Variants in TEX9 observed in about 807,000 individuals in gnomAD.
TEX9 encodes the protein testis expressed 9.
In TEX9, 74 loss-of-function variants were observed where a neutral mutation model predicts 59.6. The observed-to-expected ratio is 1.24, with a 90% CI of 1.03 to 1.51. TEX9 has a LOEUF of 1.51. TEX9 is among the 40% of genes most tolerant of loss of function. The probability of loss-of-function intolerance (pLI) is 0.00; values close to 1 mark genes in which losing one functional copy is unlikely to be tolerated. For missense variants in TEX9, 522 were observed against 447.8 expected, an observed-to-expected ratio of 1.17 and a Z score of -1.49; for synonymous variants, 186 against 152.2, an observed-to-expected ratio of 1.22 and a Z score of -1.64.
At chr15:56,289,113 G>T (rs961558115) in intron 1 of TEX9, among the ~76,000 whole-genome samples, 1 of 151,786 alleles carries the variant, frequency 6.6e-6, no homozygotes, top group Non-Finnish European at 1.5e-5. Context: ...TTCTCATTTT[G>T]GTCATTTATT....
intron 1 of TEX9, among the ~76,000 whole-genome samples, chr15:56,290,286 T>C (rs1437673289): frequency 6.6e-6 from 1 of 152,080 alleles, no homozygotes; most frequent in African/African-American, 2.4e-5. Context: ...TAATGGGTGT[T>C]CATTACCTCA....
intron 1 of TEX9, among the ~76,000 whole-genome samples, chr15:56,275,077 G>A (rs1300659155): frequency 6.6e-6 from 1 of 152,148 alleles, no homozygotes; most frequent in African/African-American, 2.4e-5. Context: ...TTCTTCAGTA[G>A]ATCCTATGTC....
At chr15:56,312,595 T>A (rs879427006) in intron 1 of TEX9, among the ~76,000 whole-genome samples, 2 of 148,808 alleles carry the variant, frequency 1.3e-5, no homozygotes, top group Non-Finnish European at 1.5e-5. Flanking sequence ...TCCAGCTTTG[T>A]TCTTTTGGCT....
chr15:56,247,370 A>G (rs1567061003), intron 1 of TEX9, among the ~76,000 whole-genome samples: 1 of 152,206 alleles, frequency 6.6e-6, no homozygotes, highest in Non-Finnish European at 1.5e-5. Context: ...TGGAGTCATA[A>G]TGGAGGGAGG....
chr15:56,365,386 G>A (rs1237346801), upstream of TEX9: 8 of 1,574,906 alleles, frequency 5.1e-6, no homozygotes, highest in African/African-American at 2.7e-5. Flanking sequence ...GGAGGCAACC[G>A]GGATGTGGAA....
At chr15:56,367,864 T>G (rs1317782502) in intron 2 of TEX9, among the ~76,000 whole-genome samples, 1 of 152,230 alleles carries the variant, frequency 6.6e-6, no homozygotes, top group Non-Finnish European at 1.5e-5. Flanking sequence ...TGATGCTACA[T>G]CTGCGTTTAT....
At chr15:56,373,067 G>A (rs1014742473) in intron 2 of TEX9, among the ~76,000 whole-genome samples, 1 of 152,132 alleles carries the variant, frequency 6.6e-6, no homozygotes, top group African/African-American at 2.4e-5. Context: ...TTAGAGCAGG[G>A]CCTGTCTCTG....
At chr15:56,431,576 A>G in intron 12 of TEX9, 1 of 1,424,622 alleles carries the variant, frequency 7.0e-7, no homozygotes, top group African/African-American at 1.4e-5. Flanking sequence ...CTACTCATGC[A>G]ATGAATTAGA....
At chr15:56,278,085 A>C (rs2044719484) in intron 1 of TEX9, among the ~76,000 whole-genome samples, 1 of 152,072 alleles carries the variant, frequency 6.6e-6, no homozygotes, top group African/African-American at 2.4e-5. Context: ...ACTGCATTAA[A>C]ATTTTCAATA....
intron 1 of TEX9, among the ~76,000 whole-genome samples, chr15:56,292,608 TAGA>T (rs1288244693): frequency 6.6e-6 from 1 of 152,172 alleles, no homozygotes; most frequent in Non-Finnish European, 1.5e-5. Context: ...GAATGAGTGG[TAGA>T]AGAGGGAGAT....
chr15:56,460,009 A>AAAAAAAAAAAAAAAAATATATATATATAT, the TEX9 span, among the ~76,000 whole-genome samples: 1 of 26,406 alleles, frequency 3.8e-5, no homozygotes, highest in Non-Finnish European at 7.0e-5. Context: ...AAAAAAAAAA[A>AAAAAAAAAAAAAAAAATATATATATATAT]ATACATATAT....
At chr15:56,294,353 A>G (rs1321725264) in intron 1 of TEX9, among the ~76,000 whole-genome samples, 1 of 151,670 alleles carries the variant, frequency 6.6e-6, no homozygotes, top group Non-Finnish European at 1.5e-5. Context: ...CTCTCCTCTC[A>G]CTCCTAACCT....
intron 10 of TEX9, among the ~76,000 whole-genome samples, 186 bp from the exon 11 acceptor site, chr15:56,427,419 A>AT (rs552597970): frequency 0.021 from 3,211 of 152,304 alleles, 54 homozygotes; most frequent in Non-Finnish European, 0.032. Context: ...AAAATGGGAA[A>AT]TACCTGAGCA....
intron 6 of TEX9, among the ~76,000 whole-genome samples, chr15:56,390,855 T>G (rs117579691): frequency 8.5e-5 from 13 of 152,174 alleles, no homozygotes; most frequent in Non-Finnish European, 1.9e-4. Flanking sequence ...TTAAAAGTCA[T>G]AGGCTGGATT....
chr15:56,284,453 T>G (rs2141470956), intron 1 of TEX9, among the ~76,000 whole-genome samples: 1 of 152,300 alleles, frequency 6.6e-6, no homozygotes, highest in East Asian at 1.9e-4. Context: ...ATTACCATTT[T>G]ATCAAGTGTA....
intron 1 of TEX9, among the ~76,000 whole-genome samples, chr15:56,337,861 G>A (rs1252520279): frequency 6.6e-6 from 1 of 152,184 alleles, no homozygotes; most frequent in Non-Finnish European, 1.5e-5. Flanking sequence ...GCAGGAGTCT[G>A]TGTTTCCCAA....
chr15:56,432,557 C>A (rs1365303638), intron 12 of TEX9, among the ~76,000 whole-genome samples: 4 of 152,042 alleles, frequency 2.6e-5, no homozygotes, highest in Admixed American at 2.6e-4. Flanking sequence ...AAAACTAAGC[C>A]GACAGCTTCA....
intron 2 of TEX9, among the ~76,000 whole-genome samples, chr15:56,366,378 G>C (rs935549425): frequency 6.6e-6 from 1 of 152,036 alleles, no homozygotes; most frequent in African/African-American, 2.4e-5. Flanking sequence ...AAACTCTCCA[G>C]CTTCACTGGC....
intron 1 of TEX9, among the ~76,000 whole-genome samples, chr15:56,314,448 A>G (rs2045704923): frequency 8.9e-6 from 1 of 112,166 alleles, no homozygotes; most frequent in Non-Finnish European, 1.8e-5. Context: ...GTTTCCATGT[A>G]GTTGAGCGGT....
Sources: allele counts gnomAD v4.1 joint callset (sites outside exome capture counted in the v4.1 genomes callset), GRCh38; gene constraint gnomAD v4.1.1; transcripts MANE v1.5; gene names NCBI Gene and HGNC (gene_info 2026-07-23, HGNC 2026-07-21).